The following MAP2K5 variants were observed in gnomAD, a reference collection of about 807,000 sequenced individuals.
MAP2K5 encodes the protein dual specificity mitogen-activated protein kinase kinase 5.
In MAP2K5, 49 loss-of-function variants were observed where a neutral mutation model predicts 83.1. That is an observed-to-expected ratio of 0.59 (90% CI 0.47 to 0.75). MAP2K5 has a LOEUF of 0.75. MAP2K5 is among the 30% of genes least tolerant of loss of function. The pLI is 0.00. For synonymous variants in MAP2K5, 202 were observed against 191.8 expected (o/e 1.05, Z -0.44); for missense variants, 457 against 557.5 (o/e 0.82, Z 1.82).
rs1384858014 is a variant in MAP2K5, at chr15:67,703,259, T to C, written c.973-78T>C. 11 of 1,052,092 alleles carry C rather than the reference T, an allele frequency of 1.0e-5. No homozygotes were observed. In the East Asian group the frequency reaches 2.6e-4, roughly 25 times the overall value. The allele number at this position is 1,052,092 out of a possible 1,614,324, so 65.2% of individuals were successfully genotyped here. On this transcript the variant is annotated intron_variant, in intron 15 of 21. Coordinates refer to ENST00000178640, the MANE Select transcript of MAP2K5 (RefSeq NM_145160.3). ...TGCAGATGTTGGTGGCTCCTCACCT[T>C]AGCTGAGCTTATTTTGGTGTATGTG...
At chr15:67,631,491 C>G (rs1400310419) in intron 9 of MAP2K5, among the ~76,000 whole-genome samples, 1 of 152,168 alleles carries the variant, frequency 6.6e-6, no homozygotes, top group African/African-American at 2.4e-5. Flanking sequence ...CTGACCGTGT[C>G]TTGCTGACTG....
chr15:67,737,114 G>A (rs567973957), intron 17 of MAP2K5, among the ~76,000 whole-genome samples: 2 of 152,288 alleles, frequency 1.3e-5, no homozygotes, highest in South Asian at 4.1e-4. Flanking sequence ...CTAAATGGCC[G>A]TCCTTATTTT....
intron 16 of MAP2K5, among the ~76,000 whole-genome samples, chr15:67,718,820 T>TAA (rs2088888590): frequency 6.6e-6 from 1 of 152,152 alleles, no homozygotes; most frequent in Non-Finnish European, 1.5e-5. Context: ...GTACATGAGA[T>TAA]ATTTTGATAC....
chr15:67,610,316 T>G (rs750524111), intron 8 of MAP2K5, among the ~76,000 whole-genome samples: 51 of 152,206 alleles, frequency 3.4e-4, no homozygotes, highest in Admixed American at 7.2e-4. Context: ...TGGTCTACCC[T>G]TTGGGTGTCC....
intron 8 of MAP2K5, among the ~76,000 whole-genome samples, chr15:67,622,402 A>G (rs77271670): frequency 0.013 from 1,952 of 152,264 alleles, 59 homozygotes; most frequent in Admixed American, 0.063. Context: ...GTAACTAACC[A>G]GGGCCCAGAT....
intron 8 of MAP2K5, among the ~76,000 whole-genome samples, chr15:67,621,953 G>C (rs1278505855): frequency 4.6e-5 from 7 of 152,114 alleles, no homozygotes; most frequent in Admixed American, 4.6e-4. Flanking sequence ...GGAGGCCAAG[G>C]TGGGTGGATC....
Position 67,717,824 on chromosome 15 carries a change from G to A in MAP2K5, c.1045-10092G>A, listed in dbSNP as rs539152812. Reference sequence around the variant, plus strand: ...AGCTTAGACTTCCTTTGTGGTGCCTGGTGTTCTAAGCTGTGATTGCAAAAG... The same window carrying A: ...AGCTTAGACTTCCTTTGTGGTGCCTAGTGTTCTAAGCTGTGATTGCAAAAG... On this transcript the variant is annotated intron_variant, in intron 16 of 21. Coordinates refer to ENST00000178640, the MANE Select transcript of MAP2K5 (RefSeq NM_145160.3). This position sits in a 1 kb window ranked among gnomAD's most constrained non-coding sequence, Gnocchi z 4.1. 1.3e-5 allele frequency among the ~76,000 whole-genome samples: 2 copies of A among 152,268 alleles called. No individual in the cohort carries two copies. The highest frequency in any genetic ancestry group is 2.9e-5 in the Non-Finnish European group (2 of 68,020).
intron 17 of MAP2K5, among the ~76,000 whole-genome samples, chr15:67,729,802 C>G (rs113777073): frequency 0.017 from 2,618 of 152,200 alleles, 85 homozygotes; most frequent in African/African-American, 0.06. Context: ...CCACATTTGA[C>G]AAGTGAAGCA....
At position 67,565,036 on chromosome 15, in the gene MAP2K5, A is replaced by G. The variant is rs903908306; in HGVS notation, c.252+1686A>G. On this transcript the variant is annotated intron_variant, in intron 3 of 21. Coordinates refer to ENST00000178640, the MANE Select transcript of MAP2K5 (RefSeq NM_145160.3). This position sits in a 1 kb window ranked among gnomAD's most constrained non-coding sequence, Gnocchi z 4.1. ...TTTTAATAATCACTCTGTAAGACAG[A>G]TATTATCATCCTTATTTTTTAGATG... Among the ~76,000 whole-genome samples, 12 of 152,178 alleles carry G rather than the reference A, an allele frequency of 7.9e-5. No individual in the cohort carries two copies. Among genetic ancestry groups the G allele is most frequent in the Non-Finnish European group, 1.6e-4 (11 of 68,038 alleles).
chr15:67,588,447 TCTTC>T (rs1461763942), intron 6 of MAP2K5, among the ~76,000 whole-genome samples: 2 of 152,222 alleles, frequency 1.3e-5, no homozygotes, highest in African/African-American at 2.4e-5. Flanking sequence ...GATACTCCCT[TCTTC>T]CTTGTATTGT....
Position 67,563,295 on chromosome 15 carries a change from A to G in MAP2K5, c.197A>G (p.Asp66Gly). Residue 66 changes from aspartate to glycine, a missense_variant, in exon 3 of 22, where the codon GAT (aspartate) becomes GGT (glycine). Asp to Gly is a moderately conservative substitution (Grantham distance 94). Around this residue, in one of 3 missense-constraint regions of MAP2K5, gnomAD observed 234 missense variants for 243.6 expected, o/e 0.96. Transcript: ENST00000178640. The surrounding 1 kb of genome is among the most constrained non-coding windows in gnomAD (Gnocchi z 4.5). ...TTTAFEYEDE[D>G]GDRITVRSDE... ...TGCTTTTAAACAGATGAAGATGAAGATGGTGATCGAATTACAGTGAGAAGT... is the reference window on the plus strand; with the variant it reads ...TGCTTTTAAACAGATGAAGATGAAGGTGGTGATCGAATTACAGTGAGAAGT... 3 of 1,611,134 alleles carry G rather than the reference A, an allele frequency of 1.9e-6. No homozygotes were observed. The highest frequency in any genetic ancestry group is 2.5e-6 in the Non-Finnish European group (3 of 1,178,740).
intron 11 of MAP2K5, among the ~76,000 whole-genome samples, chr15:67,654,371 A>G (rs2087020117): frequency 1.3e-5 from 2 of 152,190 alleles, no homozygotes; most frequent in African/African-American, 4.8e-5. Flanking sequence ...TTTGATTACT[A>G]TTTGAATAGT....
intron 8 of MAP2K5, among the ~76,000 whole-genome samples, chr15:67,618,713 G>A (rs994195525): frequency 1.3e-5 from 2 of 152,232 alleles, no homozygotes; most frequent in Admixed American, 1.3e-4. Flanking sequence ...CTCAGATTAT[G>A]TATACCTTTA....
rs1458055067 is a variant in MAP2K5, at chr15:67,748,119, A to G, written c.1075-112A>G. On this transcript the variant is annotated intron_variant, in intron 17 of 21. Transcript: ENST00000178640. This position sits in a 1 kb window ranked among gnomAD's most constrained non-coding sequence, Gnocchi z 4.0. ...TTTTCATTATGTAAATTGTGTTAAC[A>G]CATGCCCACAAATTGCCACCAGCAA... The G allele has an allele frequency of 8.2e-6, 6 of 731,406 alleles. No individual in the cohort carries two copies. Among genetic ancestry groups the G allele is most frequent in the Non-Finnish European group, 1.5e-5 (6 of 404,532 alleles). 45.3% of individuals were successfully genotyped at this position (731,406 alleles called of 1,614,324 possible).
chr15:67,706,513 G>C (rs2088558578), intron 16 of MAP2K5, among the ~76,000 whole-genome samples: 1 of 152,136 alleles, frequency 6.6e-6, no homozygotes, highest in Non-Finnish European at 1.5e-5. Flanking sequence ...GCCTTTTGAT[G>C]CTCCTTGTAT....
chr15:67,596,455 GAAAA>G (rs1050220336), intron 7 of MAP2K5, among the ~76,000 whole-genome samples: 1 of 151,238 alleles, frequency 6.6e-6, no homozygotes, highest in Non-Finnish European at 1.5e-5. Context: ...TTTGTATATA[GAAAA>G]AAAAGGGAGG....
At chr15:67,554,201 A>G (rs2084576819) in intron 2 of MAP2K5, among the ~76,000 whole-genome samples, 1 of 152,042 alleles carries the variant, frequency 6.6e-6, no homozygotes, top group African/African-American at 2.4e-5. Flanking sequence ...CTGGGACTAC[A>G]GGTGCATGCC....
At position 67,585,749 on chromosome 15, in the gene MAP2K5, C is replaced by G. The variant is rs1319627140; in HGVS notation, c.323-141C>G. ...TTAAAACCCTGGTTCATAATTCCCA[C>G]TTTGGGTCTTGGGAGCCACTTTTCA... On this transcript the variant is annotated intron_variant, in intron 4 of 21. Coordinates refer to ENST00000178640, the MANE Select transcript of MAP2K5 (RefSeq NM_145160.3). 1.0e-5 allele frequency: 7 copies of G among 675,444 alleles called. No homozygotes were observed. In the East Asian group the frequency reaches 1.9e-4, roughly 19 times the overall value. The allele number at this position is 675,444 out of a possible 1,614,324, so 41.8% of individuals were successfully genotyped here. A position where few individuals can be genotyped will look rare whatever the true frequency, so the allele number is the denominator to read the frequency against.
At position 67,774,452 on chromosome 15, in the gene MAP2K5, G is replaced by T. The variant is rs1286953838; in HGVS notation, c.1242+1700G>T. Among the ~76,000 whole-genome samples the T allele has an allele frequency of 6.6e-6, 1 of 152,072 alleles. No individual in the cohort carries two copies. The highest frequency in any genetic ancestry group is 1.5e-5 in the Non-Finnish European group (1 of 68,022). ...TGCTTTGGCAGGGCTCAGTGAGGAG[G>T]CAGGGAACAATAGACTATATGTGAA... On this transcript the variant is annotated intron_variant, in intron 21 of 21. Coordinates refer to ENST00000178640, the MANE Select transcript of MAP2K5 (RefSeq NM_145160.3). The surrounding 1 kb of genome is among the most constrained non-coding windows in gnomAD (Gnocchi z 4.9).
Sources: gnomAD v4.1 joint callset for allele counts (sites outside exome capture counted in the v4.1 genomes callset) on GRCh38, gnomAD v4.1.1 for gene constraint, gnomAD v4.1.1 regional missense constraint, Gnocchi (gnomAD v3.1) non-coding constraint, MANE v1.5 for transcripts, NCBI Gene and HGNC (gene_info 2026-07-23, HGNC 2026-07-21) for gene names.